HERC1: variants seen among roughly 807,000 people sequenced by gnomAD.
HERC1 encodes probable E3 ubiquitin-protein ligase HERC1.
A neutral mutation model predicts 554.3 loss-of-function variants in HERC1; 160 were observed. The observed-to-expected ratio is 0.29, with a 90% CI of 0.25 to 0.33. The LOEUF is 0.33. Among genes scored for constraint, HERC1 ranks in the 10% least tolerant of loss-of-function variants. The probability of loss-of-function intolerance (pLI) is 1.00; values close to 1 mark genes in which losing one functional copy is unlikely to be tolerated. For missense variants in HERC1, 4,919 were observed against 5,918.5 expected (o/e 0.83, Z 5.54); for synonymous variants, 2,175 against 2,131.7 (o/e 1.02, Z -0.56).
chr15:63,628,899 C>T, intron 69 of HERC1, 84 bp from the exon 70 acceptor site: 2 of 1,327,632 alleles, frequency 1.5e-6, no homozygotes, highest in Non-Finnish European at 2.1e-6. Context: ...TAGATGGTGG[C>T]AGACATAAAT....
chr15:63,757,062 T>G (rs2075440573), intron 4 of HERC1, among the ~76,000 whole-genome samples: 1 of 152,122 alleles, frequency 6.6e-6, no homozygotes, highest in Non-Finnish European at 1.5e-5. Flanking sequence ...ACATAAAGTT[T>G]TCCTTCCTAT....
chr15:63,747,005 A>AG lies in HERC1; in HGVS notation c.2432dup (p.Thr812TyrfsTer26). 1 of 1,581,414 alleles carries AG rather than the reference A, an allele frequency of 6.3e-7. No individual in the cohort carries two copies. Among genetic ancestry groups the AG allele is most frequent in the South Asian group, 1.2e-5 (1 of 85,780 alleles). On this transcript the variant is annotated frameshift_variant, in exon 12 of 78. Transcript: ENST00000443617. LOFTEE classifies it high-confidence loss of function. ...CTGCCTGCCTCCCGAGAATGCTGGT[A>AG]GCTACCCCTCCCGCAAGTGCAAGAG...
intron 1 of HERC1, among the ~76,000 whole-genome samples, chr15:63,802,075 AT>A (rs1414490397): frequency 6.6e-6 from 1 of 152,202 alleles, no homozygotes; most frequent in Non-Finnish European, 1.5e-5. Context: ...TCTCAAGGGC[AT>A]TTCTGAAAGT....
At chr15:63,620,425 A>G (rs2068023492) in intron 74 of HERC1, among the ~76,000 whole-genome samples, 1 of 151,556 alleles carries the variant, frequency 6.6e-6, no homozygotes, top group Non-Finnish European at 1.5e-5. Context: ...TATGTGGTCA[A>G]TTTTGGAATA....
chr15:63,786,911 TA>T (rs2076466281), intron 1 of HERC1, among the ~76,000 whole-genome samples: 1 of 148,518 alleles, frequency 6.7e-6, no homozygotes, highest in Non-Finnish European at 1.5e-5. Context: ...TTCAACTCAA[TA>T]AATTATTATT....
rs56169805 is a variant in HERC1, at chr15:63,731,920, G to A, written c.2868+1004C>T. 1.8e-3 allele frequency among the ~76,000 whole-genome samples: 278 copies of A among 152,276 alleles called. 4 individuals carry two copies. Among genetic ancestry groups the A allele is most frequent in the Admixed American group, 3.2e-3 (49 of 15,288 alleles). On this transcript the variant is annotated intron_variant, in intron 14 of 77. Transcript: ENST00000443617. ...TAGAGAAAAACAACAGGAAATACGT[G>A]TACAATGTACAATTCTGGAAAAGGA... is the stretch of plus-strand genomic sequence containing the variant.
In HERC1 at chr15:63,666,374, T is replaced by C; in HGVS notation, c.8305A>G (p.Lys2769Glu). The C allele has an allele frequency of 1.2e-6, 2 of 1,612,254 alleles. No homozygotes were observed. Among genetic ancestry groups the C allele is most frequent in the Non-Finnish European group, 1.7e-6 (2 of 1,178,384 alleles). The change falls in exon 41 of 78, where the codon AAA becomes GAA. Residue 2769 changes from lysine to glutamate, a missense_variant. Physicochemically the swap from Lys to Glu is moderately conservative, Grantham distance 56. Transcript: ENST00000443617. ...ATCCTACCTGTAGCTTCCATGGCTT[T>C]GGCAATCTGCCGAAGAGAGAACCCC... is the stretch of plus-strand genomic sequence containing the variant. ...EMGFSLRQIA[K>E]AMEATGARGE... is the part of the protein sequence containing the mutation.
intron 18 of HERC1, among the ~76,000 whole-genome samples, chr15:63,724,280 T>C (rs1258351735): frequency 6.6e-6 from 1 of 152,204 alleles, no homozygotes; most frequent in African/African-American, 2.4e-5. Context: ...ATTATCTTTA[T>C]CATGTTAAAG....
At chr15:63,809,576 G>T (rs2077237881) in intron 1 of HERC1, among the ~76,000 whole-genome samples, 1 of 152,052 alleles carries the variant, frequency 6.6e-6, no homozygotes, top group African/African-American at 2.4e-5. Context: ...ACCAATCCTG[G>T]GCCACTGCAA....
chr15:63,688,515 T>G (rs749016443), intron 33 of HERC1, among the ~76,000 whole-genome samples: 7 of 152,200 alleles, frequency 4.6e-5, no homozygotes, highest in Non-Finnish European at 8.8e-5. Context: ...TGAATAAGGT[T>G]TCTTTGAGAA....
At chr15:63,818,241 C>T (rs2077563522) in intron 1 of HERC1, among the ~76,000 whole-genome samples, 1 of 152,092 alleles carries the variant, frequency 6.6e-6, no homozygotes. Flanking sequence ...AGAATCATTG[C>T]TGTCTTTCTA....
rs1413039039 is a variant in HERC1, at chr15:63,712,909, AC to A, written c.4464-15del. ...AGACTTTCACTCCTGTCTCACATGT[AC>A]AAAAAAAAAAGTTTTTTGATTTAGG... On this transcript the variant is annotated splice_polypyrimidine_tract_variant and intron_variant, in intron 23 of 77. Coordinates refer to ENST00000443617, the MANE Select transcript of HERC1 (RefSeq NM_003922.4). The A allele has an allele frequency of 3.7e-6, 6 of 1,602,994 alleles. No homozygotes were observed. In the African/African-American group the frequency reaches 4.1e-5, roughly 11 times the overall value.
At chr15:63,818,207 A>G (rs1345650931) in intron 1 of HERC1, among the ~76,000 whole-genome samples, 1 of 152,028 alleles carries the variant, frequency 6.6e-6, no homozygotes, top group African/African-American at 2.4e-5. Flanking sequence ...ACAGTCACAG[A>G]AAAAAAATTG....
intron 38 of HERC1, among the ~76,000 whole-genome samples, chr15:63,673,116 G>A (rs1317396332): frequency 6.6e-6 from 1 of 152,080 alleles, no homozygotes; most frequent in Non-Finnish European, 1.5e-5. Context: ...GTAAATACAA[G>A]AAGAGTAAAA....
chr15:63,785,722 T>C (rs947039859), intron 1 of HERC1, among the ~76,000 whole-genome samples: 10 of 151,846 alleles, frequency 6.6e-5, no homozygotes, highest in Admixed American at 1.3e-4. Flanking sequence ...TGAGTCAAGA[T>C]CATGCTACTA....
At position 63,734,756 on chromosome 15, in the gene HERC1, G is replaced by C; in HGVS notation, c.2614C>G (p.Pro872Ala). The change falls in exon 13 of 78, where the codon CCT becomes GCT. Residue 872 changes from proline to alanine, a missense_variant. Physicochemically the swap from Pro to Ala is conservative, Grantham distance 27. This residue lies in a region of HERC1 where 744 missense variants were observed against 1,090.0 expected (regional missense o/e 0.68). Coordinates refer to ENST00000443617, the MANE Select transcript of HERC1 (RefSeq NM_003922.4). This position sits in a 1 kb window ranked among gnomAD's most constrained non-coding sequence, Gnocchi z 4.6. The stretch of plus-strand genomic sequence containing the variant: ...TTAGATAAGCTTTCCCATCTATCAG[G>C]TCCTTGAGGTAAAAGAGAATGAAGT... ...ELLHSLLPQG[P>A]DRWESLSKGQ... 6.3e-7 allele frequency: 1 copy of C among 1,588,616 alleles called. No homozygotes were observed.
intron 54 of HERC1, among the ~76,000 whole-genome samples, chr15:63,648,640 C>T (rs966232772): frequency 7.6e-6 from 1 of 131,856 alleles, no homozygotes; most frequent in Non-Finnish European, 1.8e-5. Context: ...TCAAAATGTT[C>T]TGTTCTCACA....
In HERC1 at chr15:63,718,424, CT is replaced by C. The variant is rs904119011; in HGVS notation, c.3978+149del. The C allele has an allele frequency of 0.026, 13,866 of 529,586 alleles. 2 individuals are homozygous for C. The highest frequency in any genetic ancestry group is 0.037 in the Middle Eastern group (61 of 1,640). The allele number at this position is 529,586 out of a possible 1,614,324, so 32.8% of individuals were successfully genotyped here. A position where few individuals can be genotyped will look rare whatever the true frequency, so the allele number is the denominator to read the frequency against. The stretch of plus-strand genomic sequence containing the variant: ...GGTTAAGTAAATCTCAAATCTTTTC[CT>C]TTTTTTTTTTCTGCTAGGAAAAGAA... On this transcript the variant is annotated intron_variant, in intron 21 of 77. Transcript: ENST00000443617. The surrounding 1 kb of genome is among the most constrained non-coding windows in gnomAD (Gnocchi z 4.2).
intron 1 of HERC1, among the ~76,000 whole-genome samples, chr15:63,803,736 C>A (rs1366668444): frequency 6.6e-6 from 1 of 152,112 alleles, no homozygotes; most frequent in African/African-American, 2.4e-5. Context: ...AATTGGGTAA[C>A]AAAAGAAGCA....
Sources: allele counts gnomAD v4.1 joint callset (sites outside exome capture counted in the v4.1 genomes callset), GRCh38; gene constraint gnomAD v4.1.1; regional missense constraint gnomAD v4.1.1; non-coding constraint Gnocchi (gnomAD v3.1); transcripts MANE v1.5; gene names NCBI Gene and HGNC (gene_info 2026-07-23, HGNC 2026-07-21).